The following TPD52L1 variants were observed in gnomAD, a reference collection of about 807,000 sequenced individuals.
TPD52L1 encodes TPD52 like 1.
TPD52L1 carries 18 observed loss-of-function variants against 28.7 expected under a neutral mutation model. The observed-to-expected ratio is 0.63, with a 90% CI of 0.43 to 0.93. The LOEUF is 0.93. Ranked by LOEUF, TPD52L1 falls within the 40% of genes least tolerant of loss-of-function variation. The pLI is 0.00. For missense variants in TPD52L1, 203 were observed against 254.8 expected, an observed-to-expected ratio of 0.80 and a Z score of 1.39; for synonymous variants, 75 against 88.8, an observed-to-expected ratio of 0.84 and a Z score of 0.88.
At chr6:125,191,936 G>A (rs1043498489) in intron 1 of TPD52L1, among the ~76,000 whole-genome samples, 1 of 152,196 alleles carries the variant, frequency 6.6e-6, no homozygotes. Context: ...TTCTAAAGCA[G>A]AATCTAAGTA....
At position 125,169,238 on chromosome 6, in the gene TPD52L1, A is replaced by G. The variant is rs541972794; in HGVS notation, c.19+15268A>G. On this transcript the variant is annotated intron_variant, in intron 1 of 6. Transcript: ENST00000534000. Reference sequence around the variant, plus strand: ...TGCTAGCTGCTGGCCTGCCCCAAGGATCCGTCCTTGGCCTGCTTCTTCTTT... The same window carrying G: ...TGCTAGCTGCTGGCCTGCCCCAAGGGTCCGTCCTTGGCCTGCTTCTTCTTT... Among the ~76,000 whole-genome samples the G allele has an allele frequency of 5.3e-5, 8 of 152,246 alleles. No homozygotes were observed. The South Asian group carries it at 1.7e-3, about 32-fold the overall frequency.
intron 2 of TPD52L1, among the ~76,000 whole-genome samples, chr6:125,224,050 C>G (rs898329961): frequency 2.0e-5 from 3 of 151,796 alleles, no homozygotes; most frequent in Non-Finnish European, 4.4e-5. Context: ...GAAGTCTTTA[C>G]ACACCTGTTT....
At chr6:125,250,153 T>C (rs1370799123) in intron 4 of TPD52L1, among the ~76,000 whole-genome samples, 1 of 152,196 alleles carries the variant, frequency 6.6e-6, no homozygotes, top group African/African-American at 2.4e-5. Flanking sequence ...CTCTTCATAC[T>C]GTGTTGAAAT....
intron 3 of TPD52L1, chr6:125,234,386 T>C (rs967960868): frequency 1.3e-5 from 2 of 152,206 alleles, no homozygotes; most frequent in East Asian, 1.9e-4. Context: ...AAGCTTCACA[T>C]TGGAAACTCC....
chr6:125,234,420 T>C (rs1370477838), intron 3 of TPD52L1: 3 of 152,216 alleles, frequency 2.0e-5, no homozygotes, highest in Non-Finnish European at 4.4e-5. Context: ...GTAGCTGAAG[T>C]GAGGACAGGC....
chr6:125,182,929 G>A (rs887631459), intron 1 of TPD52L1, among the ~76,000 whole-genome samples: 3 of 152,158 alleles, frequency 2.0e-5, no homozygotes, highest in Admixed American at 1.3e-4. Context: ...CGAATGCAAG[G>A]AATGTTATTT....
chr6:125,176,839 C>A (rs1791850428), intron 1 of TPD52L1, among the ~76,000 whole-genome samples: 1 of 152,022 alleles, frequency 6.6e-6, no homozygotes, highest in African/African-American at 2.4e-5. Context: ...AAGTTCGAGA[C>A]CAGCCTGGGC....
At chr6:125,253,450 T>C in intron 4 of TPD52L1, 1 of 477,626 alleles carries the variant, frequency 2.1e-6, no homozygotes. Context: ...AAACCAGACA[T>C]TCTCAGATTT....
chr6:125,177,837 A>AT (rs1791917280), intron 1 of TPD52L1, among the ~76,000 whole-genome samples: 2 of 152,332 alleles, frequency 1.3e-5, no homozygotes, highest in Admixed American at 1.3e-4. Context: ...TATGATATTA[A>AT]CTGATATACA....
chr6:125,172,136 CTTTCTTTCTTTCTTTCTTTCT>C (rs1270876473), intron 1 of TPD52L1, among the ~76,000 whole-genome samples: 151 of 58,562 alleles, frequency 2.6e-3, no homozygotes, highest in African/African-American at 0.015. Flanking sequence ...TTCTTTCTTT[CTTTCTTTCTTTCTTTCTTTCT>C]TTTCTTTCTT....
At chr6:125,190,333 CA>C (rs1792950160) in intron 1 of TPD52L1, among the ~76,000 whole-genome samples, 3 of 152,052 alleles carry the variant, frequency 2.0e-5, no homozygotes. Flanking sequence ...TTTCTGAAAA[CA>C]GTACTGAAGT....
At chr6:125,182,470 G>C (rs1009759051) in intron 1 of TPD52L1, among the ~76,000 whole-genome samples, 1 of 148,212 alleles carries the variant, frequency 6.7e-6, no homozygotes, top group African/African-American at 2.7e-5. Context: ...GGATCATTGA[G>C]GGGGTGGTTT....
intron 2 of TPD52L1, among the ~76,000 whole-genome samples, chr6:125,226,280 G>C (rs1327256698): frequency 6.6e-6 from 1 of 152,082 alleles, no homozygotes; most frequent in Non-Finnish European, 1.5e-5. Flanking sequence ...ATTATTAGAG[G>C]TCTCTTCCCC....
At chr6:125,238,423 G>A (rs757377318) in intron 3 of TPD52L1, among the ~76,000 whole-genome samples, 3 of 151,836 alleles carry the variant, frequency 2.0e-5, no homozygotes, top group Non-Finnish European at 2.9e-5. Flanking sequence ...AGTTTTTCGG[G>A]GGTGATTTCT....
intron 3 of TPD52L1, among the ~76,000 whole-genome samples, chr6:125,238,764 A>G (rs1464470507): frequency 1.3e-5 from 2 of 152,244 alleles, no homozygotes; most frequent in Admixed American, 1.3e-4. Flanking sequence ...CAAGATTTAA[A>G]TGTAGTAGTT....
At chr6:125,252,462 C>T (rs1272031026) in intron 4 of TPD52L1, 1 of 158,826 alleles carries the variant, frequency 6.3e-6, no homozygotes, top group Admixed American at 6.5e-5. Flanking sequence ...ATTTCTTGTA[C>T]CCATAATTTG....
At chr6:125,176,517 T>G (rs543348051) in intron 1 of TPD52L1, among the ~76,000 whole-genome samples, 103 of 152,336 alleles carry the variant, frequency 6.8e-4, no homozygotes, top group African/African-American at 2.4e-3. Flanking sequence ...TAGCAGATTA[T>G]TCTTTTAGTT....
intron 1 of TPD52L1, among the ~76,000 whole-genome samples, chr6:125,190,914 C>T (rs1343529473): frequency 6.6e-6 from 1 of 152,156 alleles, no homozygotes; most frequent in African/African-American, 2.4e-5. Flanking sequence ...TCCTAACCGC[C>T]TGTATGTAGC....
intron 1 of TPD52L1, among the ~76,000 whole-genome samples, chr6:125,197,954 C>T (rs181911407): frequency 2.6e-5 from 4 of 152,274 alleles, no homozygotes; most frequent in Admixed American, 1.3e-4. Context: ...GATCGGTTAG[C>T]CCTGGAACTT....
Sources: allele counts gnomAD v4.1 joint callset (sites outside exome capture counted in the v4.1 genomes callset), GRCh38; gene constraint gnomAD v4.1.1; transcripts MANE v1.5; gene names NCBI Gene and HGNC (gene_info 2026-07-23, HGNC 2026-07-21).